P2RY12: variants seen among roughly 807,000 people sequenced by gnomAD.
P2RY12 encodes purinergic receptor P2Y12, also known as P2Y purinoceptor 12.
Under a neutral mutation model 4.5 loss-of-function variants are expected in P2RY12, and 3 were observed. The ratio of observed to expected loss-of-function variants is 0.67; its 90% confidence interval spans 0.31 to 1.74. The LOEUF (loss-of-function observed/expected upper bound fraction) is 1.74, where lower values mean the gene tolerates loss of function less well. Ranked by LOEUF, P2RY12 falls within the 40% of genes most tolerant of loss-of-function variation. The pLI, the probability that P2RY12 is intolerant of heterozygous loss-of-function variation, is 0.09. For synonymous variants in P2RY12, 148 were observed against 154.1 expected, an observed-to-expected ratio of 0.96 and a Z score of 0.29; for missense variants, 356 against 407.8, an observed-to-expected ratio of 0.87 and a Z score of 1.09.
Position 151,338,598 on chromosome 3 carries a change from C to T in P2RY12, c.248G>A (p.Ser83Asn), listed in dbSNP as rs1285770975. The T allele has an allele frequency of 6.2e-7, 1 of 1,613,744 alleles. No homozygotes were observed. The highest frequency in any genetic ancestry group is 1.3e-5 in the African/African-American group (1 of 74,832). Residue 83 changes from serine to asparagine, a missense_variant, in exon 3 of 3, where the codon AGT becomes AAT. By Grantham distance (46) the Ser-to-Asn change is conservative. Transcript: ENST00000302632. Reference sequence around the variant, plus strand: ...TGGTCCTGTTCCCAGTTTGGCATCACTAAGAATTTTGAATGGAAAAGTCAG... The same window carrying T: ...TGGTCCTGTTCCCAGTTTGGCATCATTAAGAATTTTGAATGGAAAAGTCAG... ...MILTFPFKIL[S>N]DAKLGTGPLR...
At chr3:151,341,531 G>A (rs986895280) in intron 1 of P2RY12, among the ~76,000 whole-genome samples, 19 of 151,444 alleles carry the variant, frequency 1.3e-4, no homozygotes, top group Non-Finnish European at 2.5e-4. Flanking sequence ...TATGTTAGGG[G>A]TGAGATTGAA....
Position 151,340,050 on chromosome 3 carries a change from G to A in P2RY12, c.-15+546C>T, listed in dbSNP as rs1751611694. On this transcript the variant is annotated intron_variant, in intron 2 of 2. Coordinates refer to ENST00000302632, the MANE Select transcript of P2RY12 (RefSeq NM_022788.5). ...GAATTCCTTTCTGTCCTTAATTATGGAAGGAAAACGATTAAGAATCATGTT... is the reference window on the plus strand; with the variant it reads ...GAATTCCTTTCTGTCCTTAATTATGAAAGGAAAACGATTAAGAATCATGTT... Among the ~76,000 whole-genome samples the A allele has an allele frequency of 1.3e-5, 2 of 151,998 alleles. 1 individual carries two copies. Among genetic ancestry groups the A allele is most frequent in the South Asian group, 4.1e-4 (2 of 4,822 alleles).
rs1753016982 is a variant in P2RY12 at position 151,349,959 on chromosome 3, A to C, written c.-179-9199T>G. ...AGGGAGGGCGGGATGCCACCACCGCAAGCCAGCATGGAGGTGCTGTGGTCA... is the reference window on the plus strand; with the variant it reads ...AGGGAGGGCGGGATGCCACCACCGCCAGCCAGCATGGAGGTGCTGTGGTCA... On this transcript the variant is annotated intron_variant, in intron 1 of 2. Coordinates refer to ENST00000302632, the MANE Select transcript of P2RY12 (RefSeq NM_022788.5). 5.4e-6 allele frequency: 6 copies of C among 1,104,850 alleles called. No individual in the cohort carries two copies. The East Asian group carries it at 1.4e-4, about 25-fold the overall frequency. 68.4% of individuals were successfully genotyped at this position (1,104,850 alleles called of 1,614,324 possible).
intron 1 of P2RY12, among the ~76,000 whole-genome samples, chr3:151,361,151 A>AT (rs934744515): frequency 2.0e-5 from 3 of 152,052 alleles, no homozygotes; most frequent in Admixed American, 6.6e-5. Flanking sequence ...ACAGTGTTTC[A>AT]TTTTTTATTT....
At chr3:151,357,497 A>G in intron 1 of P2RY12, 1 of 838,310 alleles carries the variant, frequency 1.2e-6, no homozygotes, top group Non-Finnish European at 1.7e-6. Context: ...AAACATGGTT[A>G]AAGAACACTC....
At chr3:151,353,338 C>T (rs1181502349) in intron 1 of P2RY12, among the ~76,000 whole-genome samples, 1 of 152,184 alleles carries the variant, frequency 6.6e-6, no homozygotes, top group Non-Finnish European at 1.5e-5. Flanking sequence ...TAAACATGCT[C>T]ATGACATGTG....
chr3:151,376,804 T>C, intron 1 of P2RY12: 1 of 1,613,732 alleles, frequency 6.2e-7, no homozygotes, highest in Non-Finnish European at 8.5e-7. Context: ...TCCCAGAATC[T>C]TGAGCAGTGG....
intron 1 of P2RY12, among the ~76,000 whole-genome samples, chr3:151,370,877 G>A (rs555350160): frequency 6.6e-6 from 1 of 152,300 alleles, no homozygotes; most frequent in African/African-American, 2.4e-5. Flanking sequence ...ATGATTTGTA[G>A]GATTAGTCTA....
In P2RY12 at chr3:151,338,054, G is replaced by T. The variant is rs756536802; in HGVS notation, c.792C>A (p.Thr264=). Residue 264 remains threonine, a synonymous_variant, in exon 3 of 3, where the codon ACC becomes ACA. Transcript: ENST00000302632. ...FARIPYTLSQ[T]RDVFDCTAEN... is the part of the protein sequence containing the mutation. ...CAGCAGTGCAGTCAAAGACATCCCGGGTTTGGCTCAGGGTGTAAGGAATTC... is the reference window on the plus strand; with the variant it reads ...CAGCAGTGCAGTCAAAGACATCCCGTGTTTGGCTCAGGGTGTAAGGAATTC... 2.5e-6 allele frequency: 4 copies of T among 1,614,048 alleles called. No individual in the cohort carries two copies. The highest frequency in any genetic ancestry group is 3.4e-6 in the Non-Finnish European group (4 of 1,179,980).
intron 1 of P2RY12, among the ~76,000 whole-genome samples, chr3:151,353,763 C>T (rs1223565435): frequency 6.6e-6 from 1 of 152,104 alleles, no homozygotes; most frequent in Non-Finnish European, 1.5e-5. Context: ...GTAAAGTAAC[C>T]TTTGTTCTCT....
intron 1 of P2RY12, chr3:151,383,741 T>C: frequency 7.2e-7 from 1 of 1,383,152 alleles, no homozygotes; most frequent in Non-Finnish European, 1.0e-6. Flanking sequence ...CTTTCTGTTT[T>C]ACAGAATGCA....
intron 1 of P2RY12, among the ~76,000 whole-genome samples, chr3:151,380,878 C>T (rs948505850): frequency 3.9e-5 from 6 of 152,186 alleles, no homozygotes; most frequent in Admixed American, 2.6e-4. Context: ...TCCAGCTCCT[C>T]AAGCTTGGAT....
chr3:151,354,016 C>CT (rs569745658), intron 1 of P2RY12, among the ~76,000 whole-genome samples: 69,532 of 148,956 alleles, frequency 0.47, 17,785 homozygotes, highest in African/African-American at 0.67. Context: ...TGGCGGGCGC[C>CT]TGTAGTCCCA....
chr3:151,380,999 T>G (rs1339648349), intron 1 of P2RY12, among the ~76,000 whole-genome samples: 1 of 152,196 alleles, frequency 6.6e-6, no homozygotes, highest in African/African-American at 2.4e-5. Context: ...TTGGTTTATT[T>G]AGAAATAATT....
Position 151,361,430 on chromosome 3 carries a change from G to GAA in P2RY12, c.-179-20672_-179-20671dup, listed in dbSNP as rs34328280. 1.9e-3 allele frequency among the ~76,000 whole-genome samples: 293 copies of GAA among 151,744 alleles called. 14 individuals are homozygous for GAA. The East Asian group carries it at 0.055, about 28-fold the overall frequency. ...AATGCTATCTAATGTTTCCTGGTAT[G>GAA]AAAAAAATAGAACTGAATTAATCAT... On this transcript the variant is annotated intron_variant, in intron 1 of 2. Coordinates refer to ENST00000302632, the MANE Select transcript of P2RY12 (RefSeq NM_022788.5).
At chr3:151,360,387 G>A (rs2150075631) in intron 1 of P2RY12, 1 of 1,209,916 alleles carries the variant, frequency 8.3e-7, no homozygotes, top group Non-Finnish European at 1.2e-6. Context: ...TTACCCAAGT[G>A]ATACATATTT....
chr3:151,340,541 A>C (rs1425132798), intron 2 of P2RY12, 55 bp downstream of exon 2: 1 of 152,638 alleles, frequency 6.6e-6, no homozygotes, highest in African/African-American at 2.4e-5. Flanking sequence ...AAATGTACAC[A>C]CATATCAGAG....
At chr3:151,362,515 C>A (rs532657821) in intron 1 of P2RY12, among the ~76,000 whole-genome samples, 2 of 152,208 alleles carry the variant, frequency 1.3e-5, no homozygotes, top group East Asian at 3.9e-4. Context: ...ACGACTGTCT[C>A]CCTGAGCACA....
intron 1 of P2RY12, among the ~76,000 whole-genome samples, chr3:151,341,596 C>T (rs1169918949): frequency 1.3e-5 from 2 of 150,310 alleles, no homozygotes; most frequent in East Asian, 1.9e-4. Flanking sequence ...TATTATTATA[C>T]GTTAAGTTTT....
Sources: allele counts gnomAD v4.1 joint callset (sites outside exome capture counted in the v4.1 genomes callset), GRCh38; gene constraint gnomAD v4.1.1; transcripts MANE v1.5; gene names NCBI Gene and HGNC (gene_info 2026-07-23, HGNC 2026-07-21).